The following KALRN variants were observed in gnomAD, a reference collection of about 807,000 sequenced individuals.
KALRN encodes the protein kalirin RhoGEF kinase, also known as kalirin.
Under a neutral mutation model 353.7 loss-of-function variants are expected in KALRN, and 70 were observed. The observed-to-expected ratio is 0.20, with a 90% CI of 0.16 to 0.24. The LOEUF (loss-of-function observed/expected upper bound fraction) is 0.24, where lower values mean the gene tolerates loss of function less well. Ranked by LOEUF, KALRN falls within the 10% of genes least tolerant of loss-of-function variation. KALRN has a pLI of 1.00. For synonymous variants in KALRN, 1,391 were observed against 1,434.8 expected, an observed-to-expected ratio of 0.97 and a Z score of 0.69; for missense variants, 2,791 against 3,756.7, an observed-to-expected ratio of 0.74 and a Z score of 6.72.
intron 1 of KALRN, among the ~76,000 whole-genome samples, chr3:124,176,959 G>C (rs575163061): frequency 6.6e-6 from 1 of 152,154 alleles, no homozygotes; most frequent in Non-Finnish European, 1.5e-5. Context: ...TTGATTTCCT[G>C]TCAGACTCCC....
chr3:124,634,694 A>G (rs1346468562), intron 36 of KALRN, among the ~76,000 whole-genome samples: 1 of 151,950 alleles, frequency 6.6e-6, no homozygotes, highest in Admixed American at 6.5e-5. Flanking sequence ...CTCTGCTTTC[A>G]CATCACCTTT....
chr3:124,358,124 A>G (rs760264389), intron 10 of KALRN, among the ~76,000 whole-genome samples: 2 of 152,178 alleles, frequency 1.3e-5, no homozygotes, highest in African/African-American at 2.4e-5. Flanking sequence ...CTTTAGAGGA[A>G]GCATCTTTTG....
At chr3:124,342,502 A>G (rs2081860617) in intron 9 of KALRN, among the ~76,000 whole-genome samples, 1 of 152,102 alleles carries the variant, frequency 6.6e-6, no homozygotes, top group South Asian at 2.1e-4. Flanking sequence ...ATTCTTTTTT[A>G]TGGCTGAATA....
chr3:124,378,723 CT>C (rs776708819), intron 10 of KALRN, among the ~76,000 whole-genome samples: 55 of 151,984 alleles, frequency 3.6e-4, no homozygotes, highest in South Asian at 8.3e-4. Flanking sequence ...TCTTTTAGTA[CT>C]TTAAAGATGT....
chr3:124,698,732 C>T (rs574726213), intron 55 of KALRN, among the ~76,000 whole-genome samples: 1 of 152,318 alleles, frequency 6.6e-6, no homozygotes, highest in East Asian at 1.9e-4. Context: ...TCTACACCCC[C>T]TATCCCCAGA....
rs2063898907 is a variant in KALRN, at chr3:124,120,711, A to ATAT, written c.73+86898_73+86899insTAT. ...TTACAATCCAGATAGGAATACTAAA[A>ATAT]ATATATATATATATATATATATATA... is the stretch of plus-strand genomic sequence containing the variant. On this transcript the variant is annotated intron_variant, in intron 1 of 59. Coordinates refer to ENST00000682506, the MANE Select transcript of KALRN (RefSeq NM_001388419.1). Among the ~76,000 whole-genome samples, 754 of 98,734 alleles carry ATAT rather than the reference A, an allele frequency of 7.6e-3. 1 individual carries two copies. Among genetic ancestry groups the ATAT allele is most frequent in the Admixed American group, 0.023 (218 of 9,472 alleles). The allele number at this position is 98,734 out of a possible 152,430, so 64.8% of individuals were successfully genotyped here.
chr3:124,719,362 C>T lies in KALRN; in HGVS notation c.8853C>T (p.Asp2951=), dbSNP rs965750520. The T allele has an allele frequency of 1.9e-6, 3 of 1,614,102 alleles. No homozygotes were observed. The African/African-American group carries it at 4.0e-5, about 22-fold the overall frequency. Residue 2951 remains aspartate, a synonymous_variant, in exon 60 of 60, where the codon GAC becomes GAT. Coordinates refer to ENST00000682506, the MANE Select transcript of KALRN (RefSeq NM_001388419.1). This position sits in a 1 kb window ranked among gnomAD's most constrained non-coding sequence, Gnocchi z 5.3. ...GCAGCTACTCTAAGATCCCCCTGGACACCTCCCGCCTAGCATGCTTCATAG... is the reference window on the plus strand; with the variant it reads ...GCAGCTACTCTAAGATCCCCCTGGATACCTCCCGCCTAGCATGCTTCATAG... ...HNGSYSKIPL[D]TSRLACFIER... is the part of the protein sequence containing the mutation.
intron 5 of KALRN, among the ~76,000 whole-genome samples, chr3:124,297,277 G>C (rs1439800215): frequency 6.6e-6 from 1 of 152,238 alleles, no homozygotes. Flanking sequence ...TTCTTAGCCT[G>C]TTTCTGTTCT....
intron 1 of KALRN, among the ~76,000 whole-genome samples, chr3:124,154,603 A>G (rs1402443791): frequency 1.3e-5 from 2 of 152,246 alleles, no homozygotes; most frequent in African/African-American, 4.8e-5. Context: ...TGCTCAATGA[A>G]ATAAAAGAGG....
chr3:124,536,069 A>T (rs2068482659), intron 33 of KALRN, among the ~76,000 whole-genome samples: 1 of 152,184 alleles, frequency 6.6e-6, no homozygotes, highest in African/African-American at 2.4e-5. Context: ...CAAGGGAACC[A>T]GGGAAATGTA....
At chr3:124,667,258 T>A in intron 47 of KALRN, 75 bp downstream of exon 47, 1 of 1,347,500 alleles carries the variant, frequency 7.4e-7, no homozygotes, top group South Asian at 1.5e-5. Context: ...TGGGTCTAGG[T>A]TCATGTTGAG....
intron 11 of KALRN, among the ~76,000 whole-genome samples, chr3:124,386,073 T>G (rs1348995470): frequency 6.6e-6 from 1 of 152,186 alleles, no homozygotes; most frequent in African/African-American, 2.4e-5. Flanking sequence ...TGCAAACCAT[T>G]GCAGCGCCTG....
chr3:124,548,920 C>T lies in KALRN; in HGVS notation c.4936-13923C>T, dbSNP rs374767280. ...CTGCCTGCCTCAGCCTCCCAAAGTG[C>T]TGGGATTATAGGCATGAACCACCGT... is the stretch of plus-strand genomic sequence containing the variant. On this transcript the variant is annotated intron_variant, in intron 33 of 59. Coordinates refer to ENST00000682506, the MANE Select transcript of KALRN (RefSeq NM_001388419.1). Among the ~76,000 whole-genome samples, 17 of 152,286 alleles carry T rather than the reference C, an allele frequency of 1.1e-4. No homozygotes were observed. In the South Asian group the frequency reaches 1.2e-3, roughly 11 times the overall value.
intron 1 of KALRN, among the ~76,000 whole-genome samples, chr3:124,210,325 T>A (rs2076793738): frequency 6.6e-6 from 1 of 152,230 alleles, no homozygotes; most frequent in South Asian, 2.1e-4. Context: ...TCAGGATGCA[T>A]CTTATAGCTT....
At chr3:124,305,878 G>T (rs1054035220) in intron 6 of KALRN, among the ~76,000 whole-genome samples, 9 of 151,756 alleles carry the variant, frequency 5.9e-5, no homozygotes, top group Non-Finnish European at 1.0e-4. Context: ...AAAAAAAGGA[G>T]TAAAAATATG....
intron 1 of KALRN, among the ~76,000 whole-genome samples, chr3:124,217,454 C>A (rs1397672419): frequency 6.6e-6 from 1 of 152,122 alleles, no homozygotes; most frequent in Admixed American, 6.5e-5. Context: ...TCCATGGGAT[C>A]TGTGTATGTG....
chr3:124,625,306 G>A, intron 34 of KALRN, among the ~76,000 whole-genome samples: 1 of 152,184 alleles, frequency 6.6e-6, no homozygotes, highest in East Asian at 1.9e-4. Context: ...AAGCAGTGCT[G>A]TTCAGTGTGT....
At chr3:124,403,807 T>C (rs1185995313) in intron 13 of KALRN, among the ~76,000 whole-genome samples, 1 of 152,174 alleles carries the variant, frequency 6.6e-6, no homozygotes, top group Non-Finnish European at 1.5e-5. Flanking sequence ...ATGTTGGACA[T>C]TGAGGACATA....
intron 5 of KALRN, 43 bp downstream of exon 5, chr3:124,269,298 G>C (rs2073900015): frequency 2.0e-6 from 3 of 1,526,830 alleles, no homozygotes; most frequent in Admixed American, 2.1e-5. Context: ...ATGGGGGTGA[G>C]GGAGCAGAGG....
Sources: gnomAD v4.1 joint callset for allele counts (sites outside exome capture counted in the v4.1 genomes callset) on GRCh38, gnomAD v4.1.1 for gene constraint, Gnocchi (gnomAD v3.1) non-coding constraint, MANE v1.5 for transcripts, NCBI Gene and HGNC (gene_info 2026-07-23, HGNC 2026-07-21) for gene names.